The following VPS53 variants were observed in gnomAD, a reference collection of about 807,000 sequenced individuals.
VPS53 encodes VPS53 subunit of GARP complex, also known as vacuolar protein sorting-associated protein 53 homolog.
VPS53 carries 70 observed loss-of-function variants against 107.0 expected under a neutral mutation model. That is an observed-to-expected ratio of 0.65 (90% CI 0.54 to 0.80). The LOEUF is 0.80. VPS53 is among the 30% of genes least tolerant of loss of function. VPS53 has a pLI of 0.00. For synonymous variants in VPS53, 409 were observed against 393.3 expected, an observed-to-expected ratio of 1.04 and a Z score of -0.47; for missense variants, 917 against 1,049.4, an observed-to-expected ratio of 0.87 and a Z score of 1.74.
chr17:628,299 C>G, intron 8 of VPS53, 68 bp from the exon 9 acceptor site: 1 of 1,570,824 alleles, frequency 6.4e-7, no homozygotes. Flanking sequence ...CTTCTCACAG[C>G]CACTACTTGT....
chr17:545,077 T>C (rs1221146788), intron 17 of VPS53, among the ~76,000 whole-genome samples: 2 of 152,134 alleles, frequency 1.3e-5, no homozygotes, highest in Non-Finnish European at 2.9e-5. Context: ...TGAAGAAATT[T>C]TTTTATGAAA....
At chr17:629,444 A>G (rs1969847170) in intron 8 of VPS53, among the ~76,000 whole-genome samples, 1 of 152,222 alleles carries the variant, frequency 6.6e-6, no homozygotes, top group South Asian at 2.1e-4. Flanking sequence ...AAGGCCTTTA[A>G]GAAAAGCCCA....
chr17:557,290 A>G (rs1912530773), intron 15 of VPS53, among the ~76,000 whole-genome samples: 1 of 152,078 alleles, frequency 6.6e-6, no homozygotes, highest in Admixed American at 6.5e-5. Flanking sequence ...TCTTCCCTGT[A>G]TCTCTGTGTG....
chr17:571,048 G>C (rs564774532), intron 13 of VPS53, among the ~76,000 whole-genome samples: 1 of 152,286 alleles, frequency 6.6e-6, no homozygotes, highest in East Asian at 1.9e-4. Context: ...GTTGGGCACA[G>C]TGGTTCACGT....
At position 659,037 on chromosome 17, in the gene VPS53, TAA is replaced by T. The variant is rs566043048; in HGVS notation, c.372+2770_372+2771del. Among the ~76,000 whole-genome samples the T allele has an allele frequency of 8.9e-4, 124 of 139,560 alleles. 4 individuals carry two copies. Among genetic ancestry groups the T allele is most frequent in the East Asian group, 8.8e-3 (42 of 4,768 alleles). The allele number at this position is 139,560 out of a possible 152,430, so 91.6% of individuals were successfully genotyped here. A position where few individuals can be genotyped will look rare whatever the true frequency, so the allele number is the denominator to read the frequency against. Reference sequence around the variant, plus strand: ...CAAACAATCTCTGTTTCCAATGAATTAAAAAAAAAAAAAAAGGTTAAGACCAC... The same window carrying T: ...CAAACAATCTCTGTTTCCAATGAATTAAAAAAAAAAAAAGGTTAAGACCAC... On this transcript the variant is annotated intron_variant, in intron 5 of 21. Coordinates refer to ENST00000437048, the MANE Select transcript of VPS53 (RefSeq NM_001128159.3).
At chr17:692,568 C>G (rs1972813380) in intron 4 of VPS53, among the ~76,000 whole-genome samples, 2 of 152,144 alleles carry the variant, frequency 1.3e-5, no homozygotes, top group South Asian at 4.1e-4. Flanking sequence ...CCTAATTATG[C>G]CTTCAATATT....
intron 17 of VPS53, chr17:538,318 G>C (rs909877316): frequency 2.0e-4 from 30 of 152,486 alleles, no homozygotes; most frequent in African/African-American, 6.5e-4. Context: ...GCCTTTCACA[G>C]TGGAGCTGGA....
chr17:662,018 C>T (rs1044686894), intron 4 of VPS53, 123 bp from the exon 5 acceptor site: 18 of 907,584 alleles, frequency 2.0e-5, no homozygotes, highest in Middle Eastern at 4.9e-4. Context: ...TGTACTTATG[C>T]CAACAATTTT....
chr17:622,728 TC>T (rs369093848), intron 11 of VPS53, among the ~76,000 whole-genome samples: 43 of 90,420 alleles, frequency 4.8e-4, no homozygotes, highest in Middle Eastern at 6.0e-3. Context: ...CTCTTTCTTT[TC>T]TTTTTTTTTA....
At chr17:641,196 G>A (rs927901951) in intron 7 of VPS53, among the ~76,000 whole-genome samples, 1 of 152,142 alleles carries the variant, frequency 6.6e-6, no homozygotes, top group East Asian at 1.9e-4. Context: ...CAATGACTCA[G>A]ATGAAAGCAA....
intron 4 of VPS53, chr17:674,804 T>A (rs1972091497): frequency 6.6e-6 from 1 of 152,246 alleles, no homozygotes; most frequent in Non-Finnish European, 1.5e-5. Context: ...ATACTGCGAA[T>A]GAGAAAATCT....
chr17:708,329 C>G (rs1973496799), intron 2 of VPS53, among the ~76,000 whole-genome samples: 1 of 152,194 alleles, frequency 6.6e-6, no homozygotes, highest in Admixed American at 6.5e-5. Flanking sequence ...GGGGGCCCTT[C>G]CCTTTGTGGT....
chr17:568,501 C>T (rs1236175778), intron 13 of VPS53, among the ~76,000 whole-genome samples: 1 of 152,166 alleles, frequency 6.6e-6, no homozygotes, highest in Admixed American at 6.6e-5. Flanking sequence ...CCTGCCTCAG[C>T]CTCCCAGGGT....
At chr17:550,146 C>T (rs986815853) in intron 17 of VPS53, among the ~76,000 whole-genome samples, 4 of 152,150 alleles carry the variant, frequency 2.6e-5, no homozygotes, top group African/African-American at 9.7e-5. Context: ...AGGCAGAGAT[C>T]CACAGTTCAC....
At chr17:647,857 G>A (rs574423494) in intron 7 of VPS53, among the ~76,000 whole-genome samples, 1 of 152,220 alleles carries the variant, frequency 6.6e-6, no homozygotes, top group Non-Finnish European at 1.5e-5. Flanking sequence ...AGGACTTCCT[G>A]GTAGGAAGGA....
intron 11 of VPS53, among the ~76,000 whole-genome samples, chr17:620,944 A>C (rs1048124540): frequency 2.0e-5 from 3 of 152,246 alleles, no homozygotes; most frequent in Non-Finnish European, 2.9e-5. Context: ...GGATTTGGAA[A>C]TCACTGATTT....
chr17:641,896 C>T (rs1009917382), intron 7 of VPS53, among the ~76,000 whole-genome samples: 15 of 152,202 alleles, frequency 9.9e-5, no homozygotes, highest in African/African-American at 3.4e-4. Flanking sequence ...ACAAAAGATT[C>T]ATTGTGCTGC....
chr17:630,234 G>C (rs1045238667), intron 8 of VPS53, among the ~76,000 whole-genome samples: 1 of 151,950 alleles, frequency 6.6e-6, no homozygotes, highest in African/African-American at 2.4e-5. Flanking sequence ...GGAGGTTGCA[G>C]TGGGCTGAGA....
At chr17:689,068 T>C (rs1257630428) in intron 4 of VPS53, among the ~76,000 whole-genome samples, 2 of 152,184 alleles carry the variant, frequency 1.3e-5, no homozygotes, top group Admixed American at 1.3e-4. Context: ...CAAGTAGCAA[T>C]TGCCATTTTT....
Sources: allele counts gnomAD v4.1 joint callset (sites outside exome capture counted in the v4.1 genomes callset), GRCh38; gene constraint gnomAD v4.1.1; transcripts MANE v1.5; gene names NCBI Gene and HGNC (gene_info 2026-07-23, HGNC 2026-07-21).